The following ADAMTSL1 variants were observed in gnomAD, a reference collection of about 807,000 sequenced individuals.
The protein encoded by ADAMTSL1 is ADAMTS like 1.
ADAMTSL1 carries 126 observed loss-of-function variants against 201.8 expected under a neutral mutation model. The ratio of observed to expected loss-of-function variants is 0.62; its 90% CI spans 0.54 to 0.72. ADAMTSL1 has a LOEUF of 0.72. ADAMTSL1 is among the 30% of genes least tolerant of loss of function. The pLI, the probability that ADAMTSL1 is intolerant of heterozygous loss-of-function variation, is 0.00. For synonymous variants in ADAMTSL1, 1,121 were observed against 903.4 expected (o/e 1.24, Z -4.32); for missense variants, 2,679 against 2,277.8 (o/e 1.18, Z -3.59).
At chr9:18,883,535 C>G (rs1290098091) in intron 23 of ADAMTSL1, among the ~76,000 whole-genome samples, 1 of 152,158 alleles carries the variant, frequency 6.6e-6, no homozygotes, top group African/African-American at 2.4e-5. Context: ...ATCACTGTCT[C>G]CAGAATTTTT....
At chr9:18,617,508 A>G (rs868282502) in intron 4 of ADAMTSL1, among the ~76,000 whole-genome samples, 1,357 of 46,570 alleles carry the variant, frequency 0.029, no homozygotes, top group Admixed American at 0.04. Context: ...GGCAGGGGGG[A>G]GGGGGCTGGG....
chr9:18,254,655 G>A (rs1044980306), intron 2 of ADAMTSL1, among the ~76,000 whole-genome samples: 7 of 142,950 alleles, frequency 4.9e-5, no homozygotes, highest in East Asian at 2.0e-4. Context: ...GAGCCACCGC[G>A]CCTGCCCCCC....
intron 2 of ADAMTSL1, among the ~76,000 whole-genome samples, chr9:18,284,984 TCAAA>T (rs1832941037): frequency 1.3e-5 from 2 of 152,296 alleles, no homozygotes; most frequent in East Asian, 3.9e-4. Context: ...TTTTCTATGT[TCAAA>T]CAATCATTCA....
intron 2 of ADAMTSL1, among the ~76,000 whole-genome samples, chr9:18,172,023 C>T (rs982684763): frequency 6.8e-5 from 10 of 146,156 alleles, no homozygotes; most frequent in Admixed American, 1.4e-4. Flanking sequence ...CTAACTAACA[C>T]AAGAACAGAA....
intron 1 of ADAMTSL1, among the ~76,000 whole-genome samples, chr9:17,930,121 T>G (rs1218414518): frequency 6.6e-6 from 1 of 152,220 alleles, no homozygotes; most frequent in South Asian, 2.1e-4. Context: ...AGAAAAATCC[T>G]GAAATCTCAG....
chr9:18,565,311 T>G (rs1359645739), intron 3 of ADAMTSL1, among the ~76,000 whole-genome samples: 1 of 152,156 alleles, frequency 6.6e-6, no homozygotes, highest in Non-Finnish European at 1.5e-5. Flanking sequence ...ATTTTCAAGG[T>G]CATAGAGTTA....
At chr9:18,045,641 G>T (rs1171934892) in intron 1 of ADAMTSL1, among the ~76,000 whole-genome samples, 1 of 151,720 alleles carries the variant, frequency 6.6e-6, no homozygotes, top group Admixed American at 6.6e-5. Context: ...TATAGTGATA[G>T]GCCATAGCTT....
intron 1 of ADAMTSL1, among the ~76,000 whole-genome samples, chr9:17,986,408 A>G (rs1818931637): frequency 6.6e-6 from 1 of 152,024 alleles, no homozygotes; most frequent in Non-Finnish European, 1.5e-5. Context: ...CATACCAGAT[A>G]GAAATAGTCC....
At chr9:18,469,911 G>T (rs971128825), upstream of ADAMTSL1, among the ~76,000 whole-genome samples, 1 of 152,184 alleles carries the variant, frequency 6.6e-6, no homozygotes, top group Non-Finnish European at 1.5e-5. Context: ...GGCACTGGTT[G>T]GGATGAAGGA....
At chr9:17,932,929 C>T (rs977258821) in intron 1 of ADAMTSL1, among the ~76,000 whole-genome samples, 7 of 152,142 alleles carry the variant, frequency 4.6e-5, no homozygotes, top group Admixed American at 2.6e-4. Context: ...CAAGTGGTTT[C>T]GACTTCCTAT....
At chr9:18,211,239 C>G (rs932313232) in intron 2 of ADAMTSL1, among the ~76,000 whole-genome samples, 3 of 152,244 alleles carry the variant, frequency 2.0e-5, no homozygotes, top group Admixed American at 1.3e-4. Flanking sequence ...CTCCATGGCT[C>G]TTTTTGTTAA....
intron 2 of ADAMTSL1, among the ~76,000 whole-genome samples, chr9:18,379,153 A>G (rs145670517): frequency 1.2e-3 from 177 of 152,352 alleles, no homozygotes; most frequent in Non-Finnish European, 2.2e-3. Context: ...ATAGGAGGCC[A>G]TCGTTTTGGA....
At chr9:18,598,418 C>A (rs561597118) in intron 4 of ADAMTSL1, among the ~76,000 whole-genome samples, 5 of 152,074 alleles carry the variant, frequency 3.3e-5, no homozygotes, top group Non-Finnish European at 7.4e-5. Context: ...TTTTAAGAAC[C>A]TTTAAACAAA....
intron 7 of ADAMTSL1, among the ~76,000 whole-genome samples, chr9:18,647,606 C>G (rs1187434866): frequency 4.6e-5 from 7 of 151,922 alleles, no homozygotes; most frequent in Non-Finnish European, 1.0e-4. Flanking sequence ...TCGTTGGTTT[C>G]AAAGAACATC....
intron 17 of ADAMTSL1, among the ~76,000 whole-genome samples, chr9:18,772,016 G>T (rs530573774): frequency 1.5e-4 from 23 of 152,078 alleles, no homozygotes; most frequent in African/African-American, 5.6e-4. Flanking sequence ...CAGAACGTTT[G>T]GGGAATTATT....
At chr9:18,383,434 C>A (rs1318834423) in intron 2 of ADAMTSL1, among the ~76,000 whole-genome samples, 1 of 152,046 alleles carries the variant, frequency 6.6e-6, no homozygotes, top group African/African-American at 2.4e-5. Context: ...AGAAATAGTT[C>A]TCTGATCATG....
At chr9:18,567,672 C>G (rs1341591783) in intron 3 of ADAMTSL1, among the ~76,000 whole-genome samples, 3 of 151,946 alleles carry the variant, frequency 2.0e-5, no homozygotes, top group African/African-American at 7.3e-5. Context: ...GCTCCAAGAC[C>G]CACAGTGGAT....
At chr9:18,667,182 C>G (rs138291513) in intron 9 of ADAMTSL1, among the ~76,000 whole-genome samples, 74 of 151,976 alleles carry the variant, frequency 4.9e-4, no homozygotes, top group Non-Finnish European at 6.9e-4. Context: ...TTGTATACCC[C>G]CAAGCGGCAA....
rs768793788 is a variant in ADAMTSL1 at position 18,657,650 on chromosome 9, G to A, written c.846G>A (p.Ser282=). ...TADFIVKIRN[S]GSADSTVQFI... Reference sequence around the variant, plus strand: ...GTTGACTCCTGCAGATTCGTAACTCGGGCTCCGCTGACAGTACAGTCCAGT... The same window carrying A: ...GTTGACTCCTGCAGATTCGTAACTCAGGCTCCGCTGACAGTACAGTCCAGT... The change falls in exon 8 of 29, where the codon TCG becomes TCA. Residue 282 remains serine (S), a synonymous_variant. Transcript: ENST00000380548. 8.1e-6 allele frequency: 13 copies of A among 1,613,984 alleles called. No individual in the cohort carries two copies. The highest frequency in any genetic ancestry group is 1.0e-5 in the Non-Finnish European group (12 of 1,179,882).
Sources: gnomAD v4.1 joint callset for allele counts (sites outside exome capture counted in the v4.1 genomes callset) on GRCh38, gnomAD v4.1.1 for gene constraint, MANE v1.5 for transcripts, NCBI Gene and HGNC (gene_info 2026-07-23, HGNC 2026-07-21) for gene names.